CBLN2: variants seen among roughly 807,000 people sequenced by gnomAD.
CBLN2 encodes the protein cerebellin 2 precursor, also known as cerebellin-2.
CBLN2 carries 7 observed loss-of-function variants against 15.0 expected under a neutral mutation model. The ratio of observed to expected loss-of-function variants is 0.47; its 90% confidence interval spans 0.27 to 0.88. The LOEUF (loss-of-function observed/expected upper bound fraction) is 0.88. CBLN2 is among the 40% of genes least tolerant of loss of function. The probability of loss-of-function intolerance (pLI) is 0.14; values close to 1 mark genes in which losing one functional copy is unlikely to be tolerated. For synonymous variants in CBLN2, 149 were observed against 135.2 expected, an observed-to-expected ratio of 1.10 and a Z score of -0.71; for missense variants, 242 against 304.5, an observed-to-expected ratio of 0.79 and a Z score of 1.53.
At chr18:72,539,087 G>A in intron 3 of CBLN2, 1 of 267,768 alleles carries the variant, frequency 3.7e-6, no homozygotes, top group Admixed American at 4.5e-5. Context: ...AGGAATCGAA[G>A]ATGGTAAGCT....
intron 1 of CBLN2, among the ~76,000 whole-genome samples, chr18:72,607,291 T>A (rs560338875): frequency 2.0e-5 from 3 of 152,192 alleles, no homozygotes; most frequent in African/African-American, 7.2e-5. Context: ...GGTACTTTGT[T>A]AAGCCATCCT....
At chr18:72,552,039 T>C (rs1329304904) in intron 1 of CBLN2, among the ~76,000 whole-genome samples, 5 of 152,202 alleles carry the variant, frequency 3.3e-5, no homozygotes, top group African/African-American at 1.2e-4. Context: ...TTATCTAACC[T>C]GTTTTGTCAG....
chr18:72,610,578 C>A (rs935832966), intron 1 of CBLN2, among the ~76,000 whole-genome samples: 2 of 152,054 alleles, frequency 1.3e-5, no homozygotes, highest in Non-Finnish European at 2.9e-5. Flanking sequence ...CTGCTGTAAT[C>A]CCAGCACCTA....
chr18:72,550,529 G>T (rs761575095), intron 1 of CBLN2, among the ~76,000 whole-genome samples: 11 of 152,080 alleles, frequency 7.2e-5, no homozygotes, highest in Non-Finnish European at 1.5e-4. Context: ...CTACGGAGGC[G>T]GCGGAAAGAA....
chr18:72,597,818 AG>A (rs1379614829), intron 1 of CBLN2, among the ~76,000 whole-genome samples: 1 of 152,204 alleles, frequency 6.6e-6, no homozygotes, highest in Non-Finnish European at 1.5e-5. Flanking sequence ...CCCTATGGCC[AG>A]AACTGCCCAG....
intron 1 of CBLN2, among the ~76,000 whole-genome samples, chr18:72,556,023 G>A (rs1206054566): frequency 6.6e-6 from 1 of 152,130 alleles, no homozygotes; most frequent in Non-Finnish European, 1.5e-5. Context: ...GCAATGTTTG[G>A]GATGGCAGGT....
chr18:72,636,995 G>C (rs1316522848), intron 1 of CBLN2, among the ~76,000 whole-genome samples: 1 of 149,668 alleles, frequency 6.7e-6, no homozygotes, highest in Non-Finnish European at 1.5e-5. Context: ...ATCCCATTTA[G>C]GCAAGTAATC....
exon 1 of CBLN2, chr18:72,638,330 C>T (rs1413339817): frequency 2.0e-5 from 8 of 398,542 alleles, no homozygotes; most frequent in Non-Finnish European, 3.5e-5. Flanking sequence ...CGTACCTTGT[C>T]CCAATCCATT....
chr18:72,594,620 T>C (rs1464998255), intron 1 of CBLN2, among the ~76,000 whole-genome samples: 1 of 152,156 alleles, frequency 6.6e-6, no homozygotes. Context: ...ACTAGTTCTT[T>C]AGATGTTTGG....
intron 2 of CBLN2, among the ~76,000 whole-genome samples, chr18:72,542,770 A>G (rs908351279): frequency 2.6e-5 from 4 of 151,922 alleles, no homozygotes; most frequent in Non-Finnish European, 4.4e-5. Context: ...TTTCCCTGCT[A>G]TCCTCTATTT....
rs905878265 is a variant in CBLN2, at chr18:72,595,948, T to C, written c.15+42377A>G. Among the ~76,000 whole-genome samples, 18 of 152,110 alleles carry C rather than the reference T, an allele frequency of 1.2e-4. 1 individual carries two copies. The highest frequency in any genetic ancestry group is 1.1e-3 in the Admixed American group (17 of 15,274). ...AAGTGTGTTCCTTGTAGGCGACAGA[T>C]TGTTGGGTCTTATTTTTGTATCCTT... On this transcript the variant is annotated intron_variant, in intron 1 of 2. Transcript: ENST00000581073.
intron 1 of CBLN2, among the ~76,000 whole-genome samples, chr18:72,593,577 T>A (rs1431552043): frequency 6.6e-6 from 1 of 152,202 alleles, no homozygotes; most frequent in East Asian, 1.9e-4. Flanking sequence ...GGCATTCCTG[T>A]CTTGTTCCAG....
intron 1 of CBLN2, among the ~76,000 whole-genome samples, chr18:72,550,854 C>T (rs148365799): frequency 1.3e-5 from 2 of 152,124 alleles, no homozygotes; most frequent in East Asian, 1.9e-4. Context: ...CTAATACTAA[C>T]CTATTCCATG....
chr18:72,590,441 C>T (rs1183667725), intron 1 of CBLN2, among the ~76,000 whole-genome samples: 2 of 151,822 alleles, frequency 1.3e-5, no homozygotes, highest in African/African-American at 4.8e-5. Flanking sequence ...GCAAATGAGA[C>T]TCCATCTCAA....
chr18:72,634,496 G>T (rs549154723), intron 1 of CBLN2, among the ~76,000 whole-genome samples: 3 of 152,118 alleles, frequency 2.0e-5, no homozygotes, highest in Non-Finnish European at 4.4e-5. Context: ...AATATAAATT[G>T]TATCTTTCCT....
chr18:72,615,927 G>T (rs1024710347), intron 1 of CBLN2, among the ~76,000 whole-genome samples: 1 of 152,072 alleles, frequency 6.6e-6, no homozygotes, highest in African/African-American at 2.4e-5. Context: ...TCTCATAAGG[G>T]TTTCTAACTT....
intron 2 of CBLN2, among the ~76,000 whole-genome samples, chr18:72,542,721 C>A (rs1271380244): frequency 1.3e-5 from 2 of 152,164 alleles, no homozygotes; most frequent in Non-Finnish European, 2.9e-5. Flanking sequence ...CACAGCATTT[C>A]CTTGGAGCAG....
In CBLN2 at chr18:72,571,786, A is replaced by T. The variant is rs545865110; in HGVS notation, c.16-33014T>A. ...TCCAGTAAACTGCAAAGACAAAGAA[A>T]CATATATATGAAAGCTGTGTCAGAC... On this transcript the variant is annotated intron_variant, in intron 1 of 2. Transcript: ENST00000581073. Among the ~76,000 whole-genome samples, 155 of 152,336 alleles carry T rather than the reference A, an allele frequency of 1.0e-3. 1 individual carries two copies. The highest frequency in any genetic ancestry group is 3.5e-3 in the African/African-American group (145 of 41,580).
At chr18:72,554,440 A>G (rs1215649113) in intron 1 of CBLN2, among the ~76,000 whole-genome samples, 3 of 152,162 alleles carry the variant, frequency 2.0e-5, no homozygotes, top group Non-Finnish European at 4.4e-5. Flanking sequence ...TTCCTTTCAA[A>G]TTTCAAGTAC....
Sources: gnomAD v4.1 joint callset for allele counts (sites outside exome capture counted in the v4.1 genomes callset) on GRCh38, gnomAD v4.1.1 for gene constraint, MANE v1.5 for transcripts, NCBI Gene and HGNC (gene_info 2026-07-23, HGNC 2026-07-21) for gene names.